SOD2: variants seen among roughly 807,000 people sequenced by gnomAD.
SOD2 encodes the protein superoxide dismutase [Mn], mitochondrial.
Under a neutral mutation model 27.0 loss-of-function variants are expected in SOD2, and 11 were observed. The ratio of observed to expected loss-of-function variants is 0.41; its 90% CI spans 0.26 to 0.67. SOD2 has a LOEUF of 0.67. SOD2 is among the 30% of genes least tolerant of loss of function. The pLI is 0.34. For missense variants in SOD2, 250 were observed against 274.5 expected, an observed-to-expected ratio of 0.91 and a Z score of 0.63; for synonymous variants, 105 against 103.0, an observed-to-expected ratio of 1.02 and a Z score of -0.12.
chr6:159,682,440 C>T lies in SOD2; in HGVS notation c.*53G>A. On this transcript the variant is annotated 3_prime_UTR_variant, in exon 5 of 5. Coordinates refer to ENST00000538183, the MANE Select transcript of SOD2 (RefSeq NM_000636.4). The stretch of plus-strand genomic sequence containing the variant: ...TACTGTATTCTGCAGTACTCTATAC[C>T]ACTACAAAAACAGTCATAAAGAGCT... The T allele has an allele frequency of 6.4e-7, 1 of 1,554,832 alleles. No individual in the cohort carries two copies. The highest frequency in any genetic ancestry group is 8.8e-7 in the Non-Finnish European group (1 of 1,141,660).
intron 2 of SOD2, among the ~76,000 whole-genome samples, chr6:159,688,972 G>T (rs946127598): frequency 1.3e-4 from 20 of 152,216 alleles, no homozygotes; most frequent in African/African-American, 4.3e-4. Flanking sequence ...CAGAGGACCA[G>T]TATTTCTCAC....
upstream of SOD2, among the ~76,000 whole-genome samples, chr6:159,728,786 A>T (rs1287163954): frequency 2.0e-5 from 3 of 152,214 alleles, no homozygotes; most frequent in African/African-American, 7.2e-5. Flanking sequence ...TTACATTTTA[A>T]GGGTTTGGGT....
At chr6:159,723,230 A>G (rs189278719) in intron 1 of SOD2, among the ~76,000 whole-genome samples, 2 of 152,322 alleles carry the variant, frequency 1.3e-5, no homozygotes, top group Admixed American at 1.3e-4. Flanking sequence ...CAGTGACACA[A>G]TTTGATGAAT....
exon 1 of SOD2, chr6:159,727,160 T>C: frequency 8.4e-7 from 1 of 1,195,594 alleles, no homozygotes; most frequent in Non-Finnish European, 1.1e-6. Flanking sequence ...CCCGCGGAGC[T>C]CGCGCCAGGC....
chr6:159,693,088 T>C (rs2114795782), intron 1 of SOD2, 57 bp downstream of exon 1: 1 of 1,512,884 alleles, frequency 6.6e-7, no homozygotes, highest in Non-Finnish European at 8.8e-7. Context: ...GCGGAGGCCC[T>C]GCCCGCCGCG....
At chr6:159,753,257 T>C (rs1779884931) in intron 1 of SOD2, 3 of 662,166 alleles carry the variant, frequency 4.5e-6, no homozygotes, top group Non-Finnish European at 7.4e-6. Flanking sequence ...ACTTTTTGTT[T>C]AGGGTTTATT....
intron 1 of SOD2, among the ~76,000 whole-genome samples, chr6:159,711,948 C>G (rs546403177): frequency 8.1e-6 from 1 of 123,564 alleles, no homozygotes; most frequent in Non-Finnish European, 1.8e-5. Flanking sequence ...ACTCACATTG[C>G]TCTGATCACC....
rs993380277 is a variant in SOD2, at chr6:159,682,091, C to G, written c.*402G>C. 1 of 154,108 alleles carries G rather than the reference C, an allele frequency of 6.5e-6. No homozygotes were observed. Among genetic ancestry groups the G allele is most frequent in the African/African-American group, 2.4e-5 (1 of 41,492 alleles). 9.5% of individuals were successfully genotyped at this position (154,108 alleles called of 1,614,324 possible). The stretch of plus-strand genomic sequence containing the variant: ...ATTTTCTATAGAAAGCCGAGTGTTT[C>G]CCTTGGGAAAGTGTTAATATTTTAT... On this transcript the variant is annotated 3_prime_UTR_variant, in exon 5 of 5. Coordinates refer to ENST00000538183, the MANE Select transcript of SOD2 (RefSeq NM_000636.4).
intron 1 of SOD2, among the ~76,000 whole-genome samples, chr6:159,712,060 CACCACTCGGCTGCTCAG>C (rs1777799474): frequency 3.1e-5 from 1 of 32,716 alleles, no homozygotes; most frequent in Non-Finnish European, 7.0e-5. Flanking sequence ...CCTCCATAAC[CACCACTCGGCTGCTCAG>C]ACCTCCATAA....
At chr6:159,704,972 T>G (rs925103243) in intron 1 of SOD2, among the ~76,000 whole-genome samples, 4 of 152,204 alleles carry the variant, frequency 2.6e-5, no homozygotes, top group African/African-American at 9.7e-5. Context: ...TTCAGCAATA[T>G]TCGCTGTTCT....
At chr6:159,743,890 G>C (rs1562461469) in intron 1 of SOD2, 1 of 1,285,560 alleles carries the variant, frequency 7.8e-7, no homozygotes, top group South Asian at 2.0e-5. Flanking sequence ...CTAAATATAA[G>C]AGCTTATCTT....
chr6:159,737,913 T>A (rs1779019679), intron 1 of SOD2, among the ~76,000 whole-genome samples: 1 of 152,228 alleles, frequency 6.6e-6, no homozygotes, highest in African/African-American at 2.4e-5. Flanking sequence ...GCTTTTTGTT[T>A]TGAAATAATT....
intron 1 of SOD2, among the ~76,000 whole-genome samples, chr6:159,720,847 CTTTTTTTTTTTTTT>C (rs763455003): frequency 1.7e-5 from 1 of 59,962 alleles, no homozygotes. Context: ...TTTTCTTTAC[CTTTTTTTTTTTTTT>C]TTTTTTTTTT....
chr6:159,750,565 T>G (rs1455766179), intron 1 of SOD2, among the ~76,000 whole-genome samples: 1 of 152,250 alleles, frequency 6.6e-6, no homozygotes, highest in Non-Finnish European at 1.5e-5. Context: ...ACAGTTATTT[T>G]ATGTATATTG....
At chr6:159,733,210 T>C (rs765085651) in intron 1 of SOD2, among the ~76,000 whole-genome samples, 8 of 152,138 alleles carry the variant, frequency 5.3e-5, no homozygotes, top group Non-Finnish European at 8.8e-5. Flanking sequence ...CATAGTAATA[T>C]GGTTTATGTC....
intron 1 of SOD2, chr6:159,712,944 G>A: frequency 1.6e-6 from 1 of 611,834 alleles, no homozygotes; most frequent in Admixed American, 2.6e-5. Flanking sequence ...TACCTGTGCT[G>A]CATATTAGCT....
At position 159,675,002 on chromosome 6, in the gene SOD2, C is replaced by T. The variant is rs1465943436; in HGVS notation, c.*7491G>A. The stretch of plus-strand genomic sequence containing the variant: ...TGAGTGAACTCCCATTCACAACTGC[C>T]TCAAAGAGAATAAAATACCTAGGAA... On this transcript the variant is annotated 3_prime_UTR_variant, in exon 5 of 5. Coordinates refer to ENST00000538183, the MANE Select transcript of SOD2 (RefSeq NM_000636.4). 1.2e-4 allele frequency: 18 copies of T among 152,100 alleles called. No homozygotes were observed. In the East Asian group the frequency reaches 1.4e-3, roughly 11 times the overall value. 9.4% of individuals were successfully genotyped at this position (152,100 alleles called of 1,614,324 possible).
At chr6:159,739,978 A>G (rs549807258) in intron 1 of SOD2, among the ~76,000 whole-genome samples, 2 of 151,968 alleles carry the variant, frequency 1.3e-5, no homozygotes, top group African/African-American at 4.8e-5. Flanking sequence ...CTTAAGATAC[A>G]CTACTACTCA....
chr6:159,753,319 G>C, intron 1 of SOD2: 1 of 1,223,960 alleles, frequency 8.2e-7, no homozygotes. Flanking sequence ...ATGTGTCCCA[G>C]AAAAGAAGAT....
Sources: gnomAD v4.1 joint callset for allele counts (sites outside exome capture counted in the v4.1 genomes callset) on GRCh38, gnomAD v4.1.1 for gene constraint, MANE v1.5 for transcripts, NCBI Gene and HGNC (gene_info 2026-07-23, HGNC 2026-07-21) for gene names.